The following RNF169 variants were observed in gnomAD, a reference collection of about 807,000 sequenced individuals.
RNF169 encodes the protein ring finger protein 169, also known as E3 ubiquitin-protein ligase RNF169.
RNF169 carries 24 observed loss-of-function variants against 53.9 expected under a neutral mutation model. The ratio of observed to expected loss-of-function variants is 0.45; its 90% confidence interval spans 0.32 to 0.63. RNF169 has a LOEUF of 0.63. Ranked by LOEUF, RNF169 falls within the 20% of genes least tolerant of loss-of-function variation. RNF169 has a pLI of 0.04. For missense variants in RNF169, 883 were observed against 906.2 expected (o/e 0.97, Z 0.33); for synonymous variants, 396 against 363.5 (o/e 1.09, Z -1.02).
intron 4 of RNF169, among the ~76,000 whole-genome samples, chr11:74,832,791 G>T (rs1300986049): frequency 6.6e-6 from 1 of 151,948 alleles, no homozygotes; most frequent in Non-Finnish European, 1.5e-5. Flanking sequence ...TCTAACCCAA[G>T]GTATATATTA....
At chr11:74,781,457 T>G (rs2035415437) in intron 1 of RNF169, among the ~76,000 whole-genome samples, 1 of 152,232 alleles carries the variant, frequency 6.6e-6, no homozygotes, top group Non-Finnish European at 1.5e-5. Flanking sequence ...TGTGTCCCCA[T>G]CATCTAATTA....
chr11:74,809,150 C>T (rs2035841885), intron 2 of RNF169, among the ~76,000 whole-genome samples: 1 of 151,946 alleles, frequency 6.6e-6, no homozygotes, highest in African/African-American at 2.4e-5. Flanking sequence ...CCTGAGGCAG[C>T]AGCCTATCAA....
At chr11:74,761,898 T>C (rs2035089585) in intron 1 of RNF169, among the ~76,000 whole-genome samples, 1 of 148,994 alleles carries the variant, frequency 6.7e-6, no homozygotes, top group Non-Finnish European at 1.5e-5. Context: ...CTGCAGAGTG[T>C]TTTCCAACTT....
At position 74,840,760 on chromosome 11, in the gene RNF169, A is replaced by G. The variant is rs1445400591; in HGVS notation, c.*4030A>G. The G allele has an allele frequency of 2.0e-5, 3 of 151,626 alleles. No homozygotes were observed. Among genetic ancestry groups the G allele is most frequent in the African/African-American group, 7.3e-5 (3 of 41,228 alleles). The allele number at this position is 151,626 out of a possible 1,614,324, so 9.4% of individuals were successfully genotyped here. ...AATGGGCATGGAAATCATCCAAGTT[A>G]AACTTCTTCTCTGCCCCCCGCCCCC... is the stretch of plus-strand genomic sequence containing the variant. On this transcript the variant is annotated 3_prime_UTR_variant, in exon 6 of 6. Coordinates refer to ENST00000299563, the MANE Select transcript of RNF169 (RefSeq NM_001098638.2).
At chr11:74,779,295 A>G (rs1376805197) in intron 1 of RNF169, among the ~76,000 whole-genome samples, 1 of 152,198 alleles carries the variant, frequency 6.6e-6, no homozygotes, top group Admixed American at 6.5e-5. Context: ...TAGTTTAAAA[A>G]CACAGTAGTA....
rs572107413 is a variant in RNF169, at chr11:74,805,091, A to G, written c.577-5093A>G. 8.5e-5 allele frequency among the ~76,000 whole-genome samples: 13 copies of G among 152,390 alleles called. No individual in the cohort carries two copies. The South Asian group carries it at 2.3e-3, about 27-fold the overall frequency. The stretch of plus-strand genomic sequence containing the variant: ...TGTCCACAAAATGACATGAATGTCC[A>G]TAGTAGATTTATTCAAAATAGCCCA... On this transcript the variant is annotated intron_variant, in intron 2 of 5. Coordinates refer to ENST00000299563, the MANE Select transcript of RNF169 (RefSeq NM_001098638.2).
intron 3 of RNF169, among the ~76,000 whole-genome samples, chr11:74,816,730 G>A (rs2035945638): frequency 6.6e-6 from 1 of 152,214 alleles, no homozygotes; most frequent in East Asian, 1.9e-4. Context: ...ACTGTGGTAC[G>A]TGTGGAGAGT....
chr11:74,757,398 T>C (rs1400073861), intron 1 of RNF169, among the ~76,000 whole-genome samples: 4 of 121,722 alleles, frequency 3.3e-5, no homozygotes, highest in Non-Finnish European at 5.0e-5. Flanking sequence ...AGTCTATCAT[T>C]GTTGGACATT....
intron 1 of RNF169, among the ~76,000 whole-genome samples, chr11:74,766,856 A>G (rs1444380352): frequency 6.6e-6 from 1 of 152,252 alleles, no homozygotes. Flanking sequence ...CAGGGAATAA[A>G]TAAAACGTTT....
intron 4 of RNF169, among the ~76,000 whole-genome samples, chr11:74,822,955 T>TA (rs1352222523): frequency 3.3e-5 from 5 of 152,170 alleles, no homozygotes; most frequent in Non-Finnish European, 1.5e-5. Context: ...AAGGAATACT[T>TA]ACCGCCTCCA....
chr11:74,778,641 C>T (rs545157758), intron 1 of RNF169, among the ~76,000 whole-genome samples: 28 of 152,188 alleles, frequency 1.8e-4, no homozygotes, highest in African/African-American at 5.5e-4. Flanking sequence ...GGAGAACTGC[C>T]GCCACTTTCA....
intron 1 of RNF169, among the ~76,000 whole-genome samples, chr11:74,751,097 CT>C (rs1313801716): frequency 6.6e-6 from 1 of 151,918 alleles, no homozygotes; most frequent in African/African-American, 2.4e-5. Context: ...TTTCGAACCC[CT>C]GGCGTCAAGT....
intron 1 of RNF169, among the ~76,000 whole-genome samples, chr11:74,775,297 C>T (rs1255244674): frequency 2.0e-5 from 3 of 152,110 alleles, no homozygotes; most frequent in African/African-American, 7.2e-5. Flanking sequence ...GGATGTTTCT[C>T]CCATTCTGAT....
In RNF169 at chr11:74,836,379, A is replaced by G. The variant is rs1259949120; in HGVS notation, c.1776A>G (p.Gln592=). 3.1e-6 allele frequency: 5 copies of G among 1,614,016 alleles called. No individual in the cohort carries two copies. Among genetic ancestry groups the G allele is most frequent in the Admixed American group, 3.3e-5 (2 of 59,998 alleles). Residue 592 remains glutamine, a synonymous_variant, in exon 6 of 6, where the codon CAA becomes CAG. Transcript: ENST00000299563. ...GTGGAGTCCTCAAAACAAAGCAACA[A>G]TTGAAGACATTAAATCATTTTGATC... The part of the protein sequence containing the change: ...VLGGVLKTKQ[Q]LKTLNHFDLT...
chr11:74,763,216 A>G (rs145783573), intron 1 of RNF169, among the ~76,000 whole-genome samples: 57 of 152,342 alleles, frequency 3.7e-4, no homozygotes, highest in African/African-American at 1.3e-3. Flanking sequence ...GCTTCAAGCT[A>G]GTGAGACAGG....
At chr11:74,825,833 C>CT (rs1028824377) in intron 4 of RNF169, among the ~76,000 whole-genome samples, 1 of 152,186 alleles carries the variant, frequency 6.6e-6, no homozygotes, top group African/African-American at 2.4e-5. Context: ...ATGTGTTAAT[C>CT]TTTTTTCACA....
intron 1 of RNF169, among the ~76,000 whole-genome samples, chr11:74,753,550 A>G (rs182030791): frequency 1.9e-4 from 29 of 152,348 alleles, no homozygotes; most frequent in African/African-American, 6.7e-4. Flanking sequence ...TTCAATGGCA[A>G]AAACAGCAAT....
chr11:74,762,612 G>C (rs1191394897), intron 1 of RNF169, among the ~76,000 whole-genome samples: 1 of 152,156 alleles, frequency 6.6e-6, no homozygotes, highest in Non-Finnish European at 1.5e-5. Flanking sequence ...GACCGGAGCT[G>C]TTCCTATTCG....
intron 1 of RNF169, among the ~76,000 whole-genome samples, chr11:74,785,754 A>G (rs1475190595): frequency 6.6e-6 from 1 of 151,990 alleles, no homozygotes; most frequent in African/African-American, 2.4e-5. Context: ...TTAGTACCCT[A>G]CCTCTACCCC....
Sources: gnomAD v4.1 joint callset for allele counts (sites outside exome capture counted in the v4.1 genomes callset) on GRCh38, gnomAD v4.1.1 for gene constraint, MANE v1.5 for transcripts, NCBI Gene and HGNC (gene_info 2026-07-23, HGNC 2026-07-21) for gene names.